The following LINGO2 variants were observed in gnomAD, a reference collection of about 807,000 sequenced individuals.
LINGO2 encodes the protein leucine-rich repeat and immunoglobulin-like domain-containing nogo receptor-interacting protein 2.
In LINGO2, 14 loss-of-function variants were observed where a neutral mutation model predicts 30.6. The observed-to-expected ratio is 0.46, with a 90% confidence interval of 0.30 to 0.72. The LOEUF is 0.72. LINGO2 is among the 30% of genes least tolerant of loss of function. LINGO2 has a pLI of 0.07. For synonymous variants in LINGO2, 317 were observed against 288.5 expected, an observed-to-expected ratio of 1.10 and a Z score of -1.00; for missense variants, 729 against 751.7, an observed-to-expected ratio of 0.97 and a Z score of 0.35.
intron 4 of LINGO2, among the ~76,000 whole-genome samples, chr9:28,054,036 G>A (rs896388977): frequency 7.3e-5 from 11 of 151,492 alleles, no homozygotes; most frequent in African/African-American, 2.2e-4. Flanking sequence ...CATCTACAGA[G>A]TACGTGGGTT....
At chr9:28,095,655 G>T (rs1826222808) in intron 4 of LINGO2, among the ~76,000 whole-genome samples, 2 of 152,012 alleles carry the variant, frequency 1.3e-5, no homozygotes, top group South Asian at 4.2e-4. Context: ...CATGGGCAAG[G>T]ACTTCATGTC....
the LINGO2 span, among the ~76,000 whole-genome samples, chr9:28,836,441 A>G: frequency 6.6e-6 from 1 of 151,996 alleles, no homozygotes; most frequent in Non-Finnish European, 1.5e-5. Flanking sequence ...CAGCCTCCCA[A>G]GTAGCTAGGA....
chr9:29,199,323 C>A, the LINGO2 span, among the ~76,000 whole-genome samples: 1 of 152,074 alleles, frequency 6.6e-6, no homozygotes, highest in Non-Finnish European at 1.5e-5. Context: ...TACCATGTGT[C>A]CAAGAGGCAC....
At chr9:28,562,991 C>T (rs576328362) in intron 1 of LINGO2, among the ~76,000 whole-genome samples, 5 of 152,098 alleles carry the variant, frequency 3.3e-5, no homozygotes, top group African/African-American at 1.2e-4. Flanking sequence ...GGACAACAGG[C>T]GCATGCGACC....
chr9:28,440,846 T>C (rs1349779322), intron 2 of LINGO2, among the ~76,000 whole-genome samples: 1 of 152,154 alleles, frequency 6.6e-6, no homozygotes, highest in Non-Finnish European at 1.5e-5. Context: ...ATTTTAAAGT[T>C]TTCCCAGTTC....
chr9:28,678,468 A>G, the LINGO2 span, among the ~76,000 whole-genome samples: 1 of 151,924 alleles, frequency 6.6e-6, no homozygotes, highest in Non-Finnish European at 1.5e-5. Context: ...ATCCCTGTCA[A>G]TTTTTCATAA....
intron 4 of LINGO2, among the ~76,000 whole-genome samples, chr9:28,101,888 A>T (rs946381726): frequency 6.6e-6 from 1 of 152,108 alleles, no homozygotes; most frequent in Admixed American, 6.6e-5. Context: ...AACCTTGATA[A>T]CTCACTTGTT....
chr9:28,489,796 G>A (rs1826316949), intron 1 of LINGO2, among the ~76,000 whole-genome samples: 1 of 150,806 alleles, frequency 6.6e-6, no homozygotes, highest in African/African-American at 2.4e-5. Flanking sequence ...TACTCCGGAG[G>A]CTGAGGCAGG....
chr9:28,055,312 T>C (rs1252629923), intron 4 of LINGO2, among the ~76,000 whole-genome samples: 1 of 150,764 alleles, frequency 6.6e-6, no homozygotes, highest in Non-Finnish European at 1.5e-5. Flanking sequence ...GCTTAGTAAT[T>C]TCTTGATAGA....
At chr9:28,425,235 A>G (rs1440494385) in intron 2 of LINGO2, among the ~76,000 whole-genome samples, 1 of 148,042 alleles carries the variant, frequency 6.8e-6, no homozygotes, top group Non-Finnish European at 1.5e-5. Context: ...ACATAAGTAT[A>G]TATTACATAT....
At chr9:28,571,515 T>G (rs1229184857) in intron 1 of LINGO2, among the ~76,000 whole-genome samples, 1 of 151,990 alleles carries the variant, frequency 6.6e-6, no homozygotes, top group African/African-American at 2.4e-5. Flanking sequence ...AAAACAATCC[T>G]GTAAAATAGG....
chr9:29,004,687 A>G, the LINGO2 span, among the ~76,000 whole-genome samples: 1 of 152,022 alleles, frequency 6.6e-6, no homozygotes, highest in East Asian at 1.9e-4. Context: ...TCAGGTCTAT[A>G]TAACAGCAAT....
At chr9:28,482,101 T>C (rs1056904716) in intron 1 of LINGO2, among the ~76,000 whole-genome samples, 13 of 152,248 alleles carry the variant, frequency 8.5e-5, no homozygotes, top group African/African-American at 3.1e-4. Context: ...CATGTGTCTT[T>C]ATAGCAGCAT....
At chr9:29,209,203 T>A in the LINGO2 span, among the ~76,000 whole-genome samples, 1 of 152,108 alleles carries the variant, frequency 6.6e-6, no homozygotes, top group Non-Finnish European at 1.5e-5. Context: ...TGTCCACCTA[T>A]GTCAAATGAA....
chr9:28,322,930 G>C (rs1825100844), intron 3 of LINGO2, among the ~76,000 whole-genome samples: 1 of 152,158 alleles, frequency 6.6e-6, no homozygotes, highest in Non-Finnish European at 1.5e-5. Context: ...TACACAGTGA[G>C]ACACAGTGAG....
At chr9:28,459,045 C>T (rs1824967532) in intron 2 of LINGO2, among the ~76,000 whole-genome samples, 1 of 151,668 alleles carries the variant, frequency 6.6e-6, no homozygotes, top group African/African-American at 2.4e-5. Flanking sequence ...AAAATAAAAT[C>T]CTGGCATCAA....
At chr9:28,595,878 T>C (rs1825150040) in intron 1 of LINGO2, among the ~76,000 whole-genome samples, 1 of 152,152 alleles carries the variant, frequency 6.6e-6, no homozygotes, top group Admixed American at 6.6e-5. Flanking sequence ...CAAATAGATA[T>C]TTGACCAATT....
rs1361457880 is a variant in LINGO2, at chr9:28,492,175, C to A, written c.-364-16150G>T. On this transcript the variant is annotated intron_variant, in intron 1 of 5. Coordinates refer to ENST00000379992, the Ensembl canonical transcript of LINGO2. ...AAAAGATGTTGCCAGGAATGCTCCA[C>A]ACAGAACTAAATTCCATTCGGTGTT... is the stretch of plus-strand genomic sequence containing the variant. Among the ~76,000 whole-genome samples, 3 of 152,168 alleles carry A rather than the reference C, an allele frequency of 2.0e-5. No homozygotes were observed. The East Asian group carries it at 5.8e-4, about 29-fold the overall frequency.
At chr9:28,563,723 T>A (rs189600926) in intron 1 of LINGO2, among the ~76,000 whole-genome samples, 3 of 152,272 alleles carry the variant, frequency 2.0e-5, no homozygotes, top group Non-Finnish European at 4.4e-5. Flanking sequence ...TGAAAAATCA[T>A]CTAAATGATA....
Sources: allele counts gnomAD v4.1 joint callset (sites outside exome capture counted in the v4.1 genomes callset), GRCh38; gene constraint gnomAD v4.1.1; transcripts MANE v1.5; gene names NCBI Gene and HGNC (gene_info 2026-07-23, HGNC 2026-07-21).